The following KCTD18 variants were observed in gnomAD, a reference collection of about 807,000 sequenced individuals.
KCTD18 encodes BTB/POZ domain-containing protein KCTD18.
KCTD18 carries 22 observed loss-of-function variants against 30.4 expected under a neutral mutation model. The ratio of observed to expected loss-of-function variants is 0.72; its 90% CI spans 0.52 to 1.03. The LOEUF is 1.03. KCTD18 is among the 50% of genes least tolerant of loss of function. The probability of loss-of-function intolerance (pLI) is 0.00; values close to 1 mark genes in which losing one functional copy is unlikely to be tolerated. For missense variants in KCTD18, 529 were observed against 547.6 expected, an observed-to-expected ratio of 0.97 and a Z score of 0.34; for synonymous variants, 186 against 209.0, an observed-to-expected ratio of 0.89 and a Z score of 0.95.
At chr2:200,503,402 G>T (rs2029981749) in intron 3 of KCTD18, among the ~76,000 whole-genome samples, 1 of 152,168 alleles carries the variant, frequency 6.6e-6, no homozygotes. Flanking sequence ...AGAACTACAT[G>T]TTGTATTTCT....
rs2030464419 is a variant in KCTD18, at chr2:200,510,056, C to G, written c.-504G>C. 2.0e-5 allele frequency: 3 copies of G among 152,192 alleles called. No homozygotes were observed. The South Asian group carries it at 6.2e-4, about 31-fold the overall frequency. 9.4% of individuals were successfully genotyped at this position (152,192 alleles called of 1,614,324 possible). On this transcript the variant is annotated 5_prime_UTR_variant, in exon 1 of 7. Coordinates refer to ENST00000359878, the MANE Select transcript of KCTD18 (RefSeq NM_152387.4). Reference sequence around the variant, plus strand: ...GGCGCGGCCGCCGGACGCCGCGGGGCGGACGCGGAAGTGAACGCCTTCTCA... The same window carrying G: ...GGCGCGGCCGCCGGACGCCGCGGGGGGGACGCGGAAGTGAACGCCTTCTCA...
chr2:200,505,807 A>G (rs1447209269), intron 2 of KCTD18, among the ~76,000 whole-genome samples: 3 of 152,050 alleles, frequency 2.0e-5, no homozygotes, highest in African/African-American at 4.8e-5. Context: ...AAGAAGAAAC[A>G]CTATGCTGGT....
intron 3 of KCTD18, among the ~76,000 whole-genome samples, chr2:200,499,995 T>C (rs1047150345): frequency 1.3e-5 from 2 of 152,134 alleles, no homozygotes; most frequent in Non-Finnish European, 2.9e-5. Flanking sequence ...TCAATAAATG[T>C]AATCCAGCAT....
chr2:200,491,540 T>C (rs2087917866), intron 6 of KCTD18, among the ~76,000 whole-genome samples: 1 of 152,236 alleles, frequency 6.6e-6, no homozygotes, highest in African/African-American at 2.4e-5. Context: ...AATCATTCTA[T>C]AGTGAAACCT....
In KCTD18 at chr2:200,489,317, T is replaced by C. The variant is rs2087869443; in HGVS notation, c.*783A>G. On this transcript the variant is annotated 3_prime_UTR_variant, in exon 7 of 7. Transcript: ENST00000359878. ...TCAGTGGTCATTTCTGAAAAACAAA[T>C]ACTAACTTTAGTTAAAAAGTTAAAC... The C allele has an allele frequency of 6.6e-6, 1 of 152,660 alleles. No individual in the cohort carries two copies. The highest frequency in any genetic ancestry group is 1.5e-5 in the Non-Finnish European group (1 of 68,026). The allele number at this position is 152,660 out of a possible 1,614,324, so 9.5% of individuals were successfully genotyped here.
At chr2:200,506,821 A>G in intron 2 of KCTD18, 36 bp downstream of exon 2, 1 of 1,599,172 alleles carries the variant, frequency 6.3e-7, no homozygotes. Flanking sequence ...GTGTTAATAA[A>G]TATTCAGATC....
intron 2 of KCTD18, among the ~76,000 whole-genome samples, chr2:200,505,731 A>G (rs766447254): frequency 6.6e-6 from 1 of 152,186 alleles, no homozygotes; most frequent in Non-Finnish European, 1.5e-5. Flanking sequence ...TCCTCACTCC[A>G]GGCATGCCAG....
rs1469979875 is a variant in KCTD18, at chr2:200,504,856, T to C, written c.264A>G (p.Leu88=). ...IPTDEQTRIA[L]QEEADYFGIP... is the part of the protein sequence containing the mutation. ...TGCCAAAGTAATCAGCCTCTTCCTG[T>C]AGGGCGATGCGGGTTTGCTCATCTG... Residue 88 remains leucine, a synonymous_variant, in exon 3 of 7, where the codon CTA becomes CTG. Coordinates refer to ENST00000359878, the MANE Select transcript of KCTD18 (RefSeq NM_152387.4). The C allele has an allele frequency of 8.7e-6, 14 of 1,614,048 alleles. No homozygotes were observed. The East Asian group carries it at 2.9e-4, about 33-fold the overall frequency.
rs143935096 is a variant in KCTD18 at position 200,492,566 on chromosome 2, C to T, written c.764+606G>A. Among the ~76,000 whole-genome samples, 55 of 152,248 alleles carry T rather than the reference C, an allele frequency of 3.6e-4. No individual in the cohort carries two copies. In the East Asian group the frequency reaches 8.5e-3, roughly 23 times the overall value. On this transcript the variant is annotated intron_variant, in intron 6 of 6. Coordinates refer to ENST00000359878, the MANE Select transcript of KCTD18 (RefSeq NM_152387.4). ...TAAGAAAGTAGTCTGAAATTCCATA[C>T]GGGCATTCAATTAAATTGTAGAACA...
rs1358523562 is a variant in KCTD18, at chr2:200,489,981, G to A, written c.*119C>T. ...CCTAGCTCACACAATTCCAGGAACA[G>A]AATCCTCAACATAAACCTAAGCTTC... On this transcript the variant is annotated 3_prime_UTR_variant, in exon 7 of 7. Transcript: ENST00000359878. 9.4e-7 allele frequency: 1 copy of A among 1,063,178 alleles called. No individual in the cohort carries two copies. Among genetic ancestry groups the A allele is most frequent in the East Asian group, 2.6e-5 (1 of 39,144 alleles). The allele number at this position is 1,063,178 out of a possible 1,614,324, so 65.9% of individuals were successfully genotyped here.
At chr2:200,493,081 C>A in intron 6 of KCTD18, 91 bp downstream of exon 6, 1 of 739,300 alleles carries the variant, frequency 1.4e-6, no homozygotes. Flanking sequence ...TTAGTAAGGT[C>A]AAGAATTATT....
intron 5 of KCTD18, among the ~76,000 whole-genome samples, chr2:200,493,958 C>T (rs1486516291): frequency 1.3e-5 from 2 of 152,186 alleles, no homozygotes; most frequent in African/African-American, 4.8e-5. Flanking sequence ...CGATAACCAC[C>T]TTTTCCAACA....
At chr2:200,497,435 TTACA>T (rs1354975297) in intron 5 of KCTD18, 1 of 191,588 alleles carries the variant, frequency 5.2e-6, no homozygotes, top group Non-Finnish European at 1.1e-5. Flanking sequence ...CTTTCCTTGA[TTACA>T]TATTTTATGC....
intron 3 of KCTD18, among the ~76,000 whole-genome samples, chr2:200,499,404 T>C (rs2088049524): frequency 6.6e-6 from 1 of 152,194 alleles, no homozygotes; most frequent in African/African-American, 2.4e-5. Flanking sequence ...AATTTTATCA[T>C]CTTTATAAGA....
intron 6 of KCTD18, among the ~76,000 whole-genome samples, chr2:200,492,832 T>G (rs890731886): frequency 5.1e-5 from 2 of 39,040 alleles, no homozygotes; most frequent in Non-Finnish European, 1.6e-4. Flanking sequence ...TCTAAATAGA[T>G]TTTTTTTTTA....
Position 200,507,025 on chromosome 2 carries a change from C to T in KCTD18, c.-9G>A. 1 of 1,595,348 alleles carries T rather than the reference C, an allele frequency of 6.3e-7. No homozygotes were observed. Among genetic ancestry groups the T allele is most frequent in the African/African-American group, 1.3e-5 (1 of 74,340 alleles). ...GCCTTGTGGCCTTCCATTTCTCCCC[C>T]AGGCACCTGAATTTTTGCCGCCCAA... On this transcript the variant is annotated 5_prime_UTR_variant, in exon 2 of 7. Coordinates refer to ENST00000359878, the MANE Select transcript of KCTD18 (RefSeq NM_152387.4).
chr2:200,499,527 A>T (rs1239456578), intron 3 of KCTD18, among the ~76,000 whole-genome samples: 1 of 152,204 alleles, frequency 6.6e-6, no homozygotes, highest in African/African-American at 2.4e-5. Context: ...TAGAAAATCT[A>T]GAAGAAATGG....
chr2:200,506,718 T>C (rs1442871453), intron 2 of KCTD18, 139 bp downstream of exon 2: 1 of 664,964 alleles, frequency 1.5e-6, no homozygotes, highest in Non-Finnish European at 2.5e-6. Context: ...ACGTACTTAA[T>C]GAATCTCCAT....
At position 200,506,926 on chromosome 2, in the gene KCTD18, A is replaced by C. The variant is rs1188876683; in HGVS notation, c.91T>G (p.Cys31Gly). 1.2e-5 allele frequency: 19 copies of C among 1,613,704 alleles called. No individual in the cohort carries two copies. Among genetic ancestry groups the C allele is most frequent in the Non-Finnish European group, 1.6e-5 (19 of 1,179,820 alleles). Residue 31 changes from cysteine to glycine, a missense_variant, in exon 2 of 7, where the codon TGC (cysteine) becomes GGC (glycine). Cys to Gly is a radical substitution (Grantham distance 159). Coordinates refer to ENST00000359878, the MANE Select transcript of KCTD18 (RefSeq NM_152387.4). Reference protein sequence around the residue: ...CIYTARRESLCRFKDSMLASM... With the variant: ...CIYTARRESLGRFKDSMLASM... ...GCCAACATGGAGTCCTTGAAGCGGC[A>C]CAAGGACTCCCGCCGGGCTGTGTAA...
Sources: gnomAD v4.1 joint callset for allele counts (sites outside exome capture counted in the v4.1 genomes callset) on GRCh38, gnomAD v4.1.1 for gene constraint, MANE v1.5 for transcripts, NCBI Gene and HGNC (gene_info 2026-07-23, HGNC 2026-07-21) for gene names.